The following PLPP3 variants were observed in gnomAD, a reference collection of about 807,000 sequenced individuals.
The protein encoded by PLPP3 is phospholipid phosphatase 3.
A neutral mutation model predicts 29.6 loss-of-function variants in PLPP3; 6 were observed. The observed-to-expected ratio is 0.20, with a 90% CI of 0.11 to 0.40. The LOEUF (loss-of-function observed/expected upper bound fraction) is 0.40. PLPP3 is among the 10% of genes least tolerant of loss of function. The pLI is 1.00. For missense variants in PLPP3, 308 were observed against 407.7 expected, an observed-to-expected ratio of 0.76 and a Z score of 2.11; for synonymous variants, 152 against 159.7, an observed-to-expected ratio of 0.95 and a Z score of 0.36.
chr1:56,500,859 G>T (rs1036986809), intron 5 of PLPP3, among the ~76,000 whole-genome samples: 6 of 151,758 alleles, frequency 4.0e-5, no homozygotes, highest in Non-Finnish European at 8.8e-5. Flanking sequence ...CAAAAATTAG[G>T]TGGGCATGAT....
At chr1:56,499,389 T>C (rs1241505479) in intron 5 of PLPP3, among the ~76,000 whole-genome samples, 1 of 152,202 alleles carries the variant, frequency 6.6e-6, no homozygotes, top group Non-Finnish European at 1.5e-5. Context: ...TCTTCCTAGA[T>C]GGGAGGCTTC....
intron 1 of PLPP3, 64 bp from the exon 2 acceptor site, chr1:56,537,176 C>G (rs1645933694): frequency 2.6e-6 from 4 of 1,530,604 alleles, no homozygotes; most frequent in East Asian, 2.3e-5. Context: ...GGGAAAACAT[C>G]AGTGCCAAAG....
At chr1:56,518,160 GA>G (rs1645795122) in intron 4 of PLPP3, among the ~76,000 whole-genome samples, 1 of 152,102 alleles carries the variant, frequency 6.6e-6, no homozygotes, top group Non-Finnish European at 1.5e-5. Flanking sequence ...GAAAAAAGAG[GA>G]AAAACATCTG....
In PLPP3 at chr1:56,508,873, T is replaced by C. The variant is rs529613736; in HGVS notation, c.810+3103A>G. Among the ~76,000 whole-genome samples the C allele has an allele frequency of 1.4e-4, 22 of 152,316 alleles. No individual in the cohort carries two copies. The East Asian group carries it at 4.3e-3, about 29-fold the overall frequency. On this transcript the variant is annotated intron_variant, in intron 5 of 5. Coordinates refer to ENST00000371250, the MANE Select transcript of PLPP3 (RefSeq NM_003713.5). ...CCCATCTCTCCTCAATCCAGGGTCC[T>C]GAGCTTTGCTTCTGTCTCCCTCACA...
At position 56,496,531 on chromosome 1, in the gene PLPP3, G is replaced by C; in HGVS notation, c.*20C>G. 1.2e-6 allele frequency: 2 copies of C among 1,613,162 alleles called. No homozygotes were observed. The highest frequency in any genetic ancestry group is 1.7e-6 in the Non-Finnish European group (2 of 1,179,350). ...TGTCAGCAGTCATTTTACAAAAACA[G>C]CTCAGGAGGTGGGTGGCACCTACAT... is the stretch of plus-strand genomic sequence containing the variant. On this transcript the variant is annotated 3_prime_UTR_variant, in exon 6 of 6. Transcript: ENST00000371250.
chr1:56,578,844 C>A, intron 1 of PLPP3, 34 bp downstream of exon 1: 2 of 1,505,642 alleles, frequency 1.3e-6, no homozygotes, highest in Non-Finnish European at 1.8e-6. Flanking sequence ...GGACGAGGGG[C>A]CGAGGGGCCG....
At chr1:56,522,288 G>A (rs1645824104) in intron 4 of PLPP3, among the ~76,000 whole-genome samples, 1 of 152,214 alleles carries the variant, frequency 6.6e-6, no homozygotes, top group African/African-American at 2.4e-5. Flanking sequence ...CTGCGCAGCT[G>A]TGAAGGCTAC....
Position 56,557,013 on chromosome 1 carries a change from AGAGAG to A in PLPP3, c.140-19906_140-19902del, listed in dbSNP as rs1557513535. Among the ~76,000 whole-genome samples the A allele has an allele frequency of 7.8e-3, 117 of 14,994 alleles. 1 individual carries two copies. The highest frequency in any genetic ancestry group is 0.028 in the Middle Eastern group (1 of 36). The allele number at this position is 14,994 out of a possible 152,430, so 9.8% of individuals were successfully genotyped here. A position where few individuals can be genotyped will look rare whatever the true frequency, so the allele number is the denominator to read the frequency against. ...AAGAAAGAAAGAAAGAAAGAAAGAG[AGAGAG>A]AGAGAGAAAGAGAGAGAGAGAGAGA... On this transcript the variant is annotated intron_variant, in intron 1 of 5. Transcript: ENST00000371250.
intron 2 of PLPP3, among the ~76,000 whole-genome samples, chr1:56,530,533 T>C (rs1279388797): frequency 1.3e-5 from 2 of 152,216 alleles, no homozygotes; most frequent in Non-Finnish European, 2.9e-5. Context: ...ACCAAGCATA[T>C]GACTGACAAA....
intron 1 of PLPP3, among the ~76,000 whole-genome samples, chr1:56,540,644 G>C (rs1645961849): frequency 6.6e-6 from 1 of 152,074 alleles, no homozygotes; most frequent in South Asian, 2.1e-4. Flanking sequence ...TTCTTGAAAG[G>C]CATGCAGATG....
intron 2 of PLPP3, among the ~76,000 whole-genome samples, chr1:56,526,257 T>A (rs560438796): frequency 6.6e-6 from 1 of 152,238 alleles, no homozygotes; most frequent in East Asian, 1.9e-4. Flanking sequence ...GTTGCCTTAT[T>A]ACAAAATTGG....
At chr1:56,535,125 T>C (rs1054830424) in intron 2 of PLPP3, among the ~76,000 whole-genome samples, 1 of 152,202 alleles carries the variant, frequency 6.6e-6, no homozygotes, top group African/African-American at 2.4e-5. Context: ...CATTAGCTCA[T>C]TTAATTCTCA....
At chr1:56,575,163 G>A (rs755878743) in intron 1 of PLPP3, among the ~76,000 whole-genome samples, 1 of 152,112 alleles carries the variant, frequency 6.6e-6, no homozygotes, top group Non-Finnish European at 1.5e-5. Context: ...GGCAATAATA[G>A]ACATAATCCC....
intron 5 of PLPP3, among the ~76,000 whole-genome samples, chr1:56,509,391 T>G (rs1645725091): frequency 6.6e-6 from 1 of 152,162 alleles, no homozygotes; most frequent in Admixed American, 6.6e-5. Context: ...AGGGACCCCT[T>G]CTCCTTGCAG....
At chr1:56,576,216 T>C (rs929273567) in intron 1 of PLPP3, among the ~76,000 whole-genome samples, 1 of 152,166 alleles carries the variant, frequency 6.6e-6, no homozygotes, top group Non-Finnish European at 1.5e-5. Context: ...AGATACTAGA[T>C]GAAGTTTCTT....
intron 5 of PLPP3, among the ~76,000 whole-genome samples, chr1:56,500,741 A>G: frequency 6.6e-6 from 1 of 152,280 alleles, no homozygotes; most frequent in Admixed American, 6.5e-5. Flanking sequence ...GCAGTGGCTC[A>G]CGCCTAAAAT....
intron 5 of PLPP3, among the ~76,000 whole-genome samples, chr1:56,501,365 T>G (rs1645666833): frequency 6.6e-6 from 1 of 152,212 alleles, no homozygotes; most frequent in South Asian, 2.1e-4. Context: ...CCTATGCCTG[T>G]GACATTGTCT....
intron 4 of PLPP3, among the ~76,000 whole-genome samples, chr1:56,522,511 CAA>C (rs200415324): frequency 6.7e-6 from 1 of 149,900 alleles, no homozygotes; most frequent in Non-Finnish European, 1.5e-5. Flanking sequence ...AAGAGCAAAA[CAA>C]AAAAAAAGAT....
At chr1:56,539,166 T>C (rs1645951461) in intron 1 of PLPP3, among the ~76,000 whole-genome samples, 1 of 152,196 alleles carries the variant, frequency 6.6e-6, no homozygotes, top group Non-Finnish European at 1.5e-5. Context: ...TAATTTAACT[T>C]TGCAAATTGA....
Sources: allele counts gnomAD v4.1 joint callset (sites outside exome capture counted in the v4.1 genomes callset), GRCh38; gene constraint gnomAD v4.1.1; transcripts MANE v1.5; gene names NCBI Gene and HGNC (gene_info 2026-07-23, HGNC 2026-07-21).